CLVS1: variants seen among roughly 807,000 people sequenced by gnomAD.
CLVS1 encodes clavesin 1, also known as clavesin-1.
A neutral mutation model predicts 33.1 loss-of-function variants in CLVS1; 10 were observed. That is an observed-to-expected ratio of 0.30 (90% CI 0.19 to 0.51). The LOEUF is 0.51. CLVS1 is among the 20% of genes least tolerant of loss of function. The pLI is 0.97. For synonymous variants in CLVS1, 163 were observed against 166.1 expected (o/e 0.98, Z 0.14); for missense variants, 343 against 433.4 (o/e 0.79, Z 1.85).
intron 2 of CLVS1, among the ~76,000 whole-genome samples, chr8:61,221,389 C>A (rs1808213344): frequency 6.6e-6 from 1 of 152,074 alleles, no homozygotes; most frequent in Non-Finnish European, 1.5e-5. Context: ...AGTTTTTAAC[C>A]TGAAGGGATG....
At chr8:61,301,052 T>C (rs1269972730) in intron 2 of CLVS1, 1 of 152,252 alleles carries the variant, frequency 6.6e-6, no homozygotes, top group East Asian at 1.9e-4. Context: ...CTGCCTCTAG[T>C]CTTATCTCTT....
chr8:61,192,827 G>C (rs1232979652), intron 2 of CLVS1, among the ~76,000 whole-genome samples: 2 of 151,968 alleles, frequency 1.3e-5, no homozygotes, highest in African/African-American at 4.8e-5. Flanking sequence ...GAGATACCAT[G>C]TCACACCAGT....
intron 2 of CLVS1, among the ~76,000 whole-genome samples, chr8:61,310,469 G>A (rs775142418): frequency 6.6e-6 from 1 of 152,104 alleles, no homozygotes; most frequent in African/African-American, 2.4e-5. Context: ...ACTTATCACT[G>A]GAACTCATTC....
At chr8:61,016,988 C>A in the CLVS1 span, among the ~76,000 whole-genome samples, 3 of 152,160 alleles carry the variant, frequency 2.0e-5, no homozygotes, top group Admixed American at 6.5e-5. Context: ...GTGGTGGGAG[C>A]GGCTGAGCAA....
the CLVS1 span, among the ~76,000 whole-genome samples, chr8:61,004,719 C>A: frequency 6.6e-6 from 1 of 152,064 alleles, no homozygotes; most frequent in African/African-American, 2.4e-5. Flanking sequence ...AGCAGGGCTG[C>A]GGGGGAGCTG....
At chr8:61,303,343 A>T (rs1448478183) in intron 2 of CLVS1, among the ~76,000 whole-genome samples, 2 of 152,282 alleles carry the variant, frequency 1.3e-5, no homozygotes, top group East Asian at 3.9e-4. Flanking sequence ...AAATTACTTC[A>T]CCTCTCTATT....
rs567530103 is a variant in CLVS1, at chr8:61,353,349, G to T, written c.456-23256G>T. ...TAAATGAAATCATACTAAGTGTTTT[G>T]TCTGACCATAATGGAATCAAACTAT... On this transcript the variant is annotated intron_variant, in intron 2 of 5. Transcript: ENST00000325897. 3.9e-5 allele frequency among the ~76,000 whole-genome samples: 6 copies of T among 152,032 alleles called. No individual in the cohort carries two copies. The South Asian group carries it at 1.2e-3, about 32-fold the overall frequency.
chr8:61,358,995 C>A (rs951415354), intron 2 of CLVS1, among the ~76,000 whole-genome samples: 1 of 152,146 alleles, frequency 6.6e-6, no homozygotes, highest in Non-Finnish European at 1.5e-5. Context: ...TTAATCCATT[C>A]TCAGTTATAT....
At chr8:61,438,527 C>A (rs1816428008) in intron 3 of CLVS1, among the ~76,000 whole-genome samples, 1 of 152,104 alleles carries the variant, frequency 6.6e-6, no homozygotes, top group Non-Finnish European at 1.5e-5. Context: ...GATATATATT[C>A]CTTTGGGTAT....
chr8:61,145,815 A>G (rs1806405194), intron 2 of CLVS1, among the ~76,000 whole-genome samples: 2 of 152,196 alleles, frequency 1.3e-5, no homozygotes, highest in South Asian at 2.1e-4. Flanking sequence ...ACAGTATCCA[A>G]GGTGGCCACT....
chr8:61,063,548 C>T (rs1338879345), intron 1 of CLVS1, among the ~76,000 whole-genome samples: 4 of 151,994 alleles, frequency 2.6e-5, no homozygotes, highest in Non-Finnish European at 5.9e-5. Context: ...GAAGGATGGA[C>T]ACAGGAGAAT....
upstream of CLVS1, among the ~76,000 whole-genome samples, chr8:61,285,087 TA>T (rs553925415): frequency 4.0e-5 from 6 of 151,160 alleles, no homozygotes; most frequent in Non-Finnish European, 7.4e-5. Context: ...GAGATTGGAC[TA>T]AAAAAAAAGT....
At chr8:61,213,639 A>C (rs1808019250) in intron 2 of CLVS1, among the ~76,000 whole-genome samples, 1 of 152,036 alleles carries the variant, frequency 6.6e-6, no homozygotes, top group Non-Finnish European at 1.5e-5. Context: ...GTGATTTCCT[A>C]CACCCGTCTT....
At chr8:61,143,153 C>T (rs1440695460) in intron 2 of CLVS1, among the ~76,000 whole-genome samples, 1 of 152,168 alleles carries the variant, frequency 6.6e-6, no homozygotes. Flanking sequence ...CCTACCACAT[C>T]CACCAGACAA....
At chr8:61,038,174 C>T in the CLVS1 span, among the ~76,000 whole-genome samples, 6 of 152,098 alleles carry the variant, frequency 3.9e-5, no homozygotes, top group Non-Finnish European at 8.8e-5. Context: ...CATAAAGTTG[C>T]CTGCTATTGA....
intron 2 of CLVS1, among the ~76,000 whole-genome samples, chr8:61,235,353 T>TA (rs753590087): frequency 1.7e-3 from 261 of 152,194 alleles, no homozygotes; most frequent in Middle Eastern, 3.4e-3. Context: ...GGAAATGCTT[T>TA]AAAAAAAGTG....
intron 3 of CLVS1, among the ~76,000 whole-genome samples, chr8:61,401,101 T>G (rs761035548): frequency 3.9e-5 from 6 of 152,006 alleles, no homozygotes; most frequent in Non-Finnish European, 7.4e-5. Flanking sequence ...TGAAATACAC[T>G]TGATTTTTGT....
chr8:61,155,168 G>A (rs1030320764), intron 2 of CLVS1, among the ~76,000 whole-genome samples: 1 of 152,196 alleles, frequency 6.6e-6, no homozygotes, highest in Non-Finnish European at 1.5e-5. Context: ...ATTGTGGGTC[G>A]TGAGTGTGTT....
chr8:61,019,324 CACCTTTGGTA>C, the CLVS1 span, among the ~76,000 whole-genome samples: 1 of 152,210 alleles, frequency 6.6e-6, no homozygotes, highest in Non-Finnish European at 1.5e-5. Context: ...GAGGCACGCA[CACCTTTGGTA>C]ATGTTTGTGA....
Sources: gnomAD v4.1 joint callset for allele counts (sites outside exome capture counted in the v4.1 genomes callset) on GRCh38, gnomAD v4.1.1 for gene constraint, MANE v1.5 for transcripts, NCBI Gene and HGNC (gene_info 2026-07-23, HGNC 2026-07-21) for gene names.